Variants in RBM41 observed in about 807,000 individuals in gnomAD.
RBM41 encodes RNA-binding protein 41.
Under a neutral mutation model 30.8 loss-of-function variants are expected in RBM41, and 14 were observed. That is an observed-to-expected ratio of 0.45 (90% CI 0.30 to 0.71). The LOEUF is 0.71. Among genes scored for constraint, RBM41 ranks in the 30% least tolerant of loss-of-function variants. The probability of loss-of-function intolerance (pLI) is 0.08; values close to 1 mark genes in which losing one functional copy is unlikely to be tolerated. For missense variants in RBM41, 276 were observed against 326.3 expected (o/e 0.85, Z 1.19); for synonymous variants, 120 against 110.1 (o/e 1.09, Z -0.56).
chrX:107,115,532 C>T lies in RBM41; in HGVS notation c.343G>A (p.Glu115Lys). The T allele has an allele frequency of 8.3e-7, 1 of 1,209,867 alleles. No individual in the cohort carries two copies. The change falls in exon 4 of 8, where the codon GAA (glutamate) becomes AAA (lysine). Residue 115 changes from glutamate to lysine, a missense_variant. Physicochemically the swap from Glu to Lys is moderately conservative, Grantham distance 56. Transcript: ENST00000685964. ...TCTTGAAGACGGTTCTGTATTGCTT[C>T]AGGAGTTGCCCTCAGTTTTGTCTTC... ...EKKTKLRATPEAIQNRLQDIE... is the reference protein window; with the variant it reads ...EKKTKLRATPKAIQNRLQDIE...
At position 107,113,453 on chromosome X, in the gene RBM41, G is replaced by C. The variant is rs1331255807; in HGVS notation, c.539C>G (p.Thr180Arg). ...TGAGGTCATGTACTTGTCTGCACTT[G>C]TCTTTTTGTGGTATGCTGTGAAGGT... The part of the protein sequence containing the change: ...ALYYQAYHKK[T>R]SADKYMTSMK... The change falls in exon 5 of 8, where the codon ACA (threonine) becomes AGA (arginine). Residue 180 changes from threonine to arginine, a missense_variant. By Grantham distance (71) the Thr-to-Arg change is moderately conservative (BLOSUM62 -1). Transcript: ENST00000685964. 1.0e-6 allele frequency: 1 copy of C among 982,415 alleles called. No individual in the cohort carries two copies. The allele number at this position is 982,415 out of a possible 1,213,427, so 81.0% of individuals were successfully genotyped here.
downstream of RBM41, among the ~76,000 whole-genome samples, chrX:107,057,679 C>CT (rs1248582922): frequency 8.9e-6 from 1 of 111,864 alleles, no homozygotes; most frequent in Admixed American, 9.5e-5. Flanking sequence ...TTTAAGTACT[C>CT]TATTTACTTC....
intron 5 of RBM41, among the ~76,000 whole-genome samples, chrX:107,089,907 T>C (rs1045463961): frequency 3.6e-5 from 4 of 112,024 alleles, no homozygotes; most frequent in African/African-American, 1.3e-4. Context: ...GAGTTGCAAA[T>C]CATGGCTTTC....
chrX:107,055,473 C>A, the RBM41 span, among the ~76,000 whole-genome samples: 2 of 111,232 alleles, frequency 1.8e-5, no homozygotes, highest in Non-Finnish European at 3.8e-5. Flanking sequence ...TACAGGCGCC[C>A]GCCACCACGC....
intron 7 of RBM41, among the ~76,000 whole-genome samples, chrX:107,068,341 G>A (rs1935918803): frequency 9.0e-6 from 1 of 111,266 alleles, no homozygotes; most frequent in African/African-American, 3.3e-5. Flanking sequence ...ATATATATAA[G>A]TACTACAAAT....
At chrX:107,059,156 T>C (rs1421970501), downstream of RBM41, among the ~76,000 whole-genome samples, 1 of 111,614 alleles carries the variant, frequency 9.0e-6, no homozygotes, top group Non-Finnish European at 1.9e-5. Context: ...AACCCCATCC[T>C]GAGGCCTCGC....
Position 107,118,755 on chromosome X carries a change from C to T in RBM41, c.8+11G>A. 8.3e-7 allele frequency: 1 copy of T among 1,211,848 alleles called. No homozygotes were observed. The highest frequency in any genetic ancestry group is 1.1e-6 in the Non-Finnish European group (1 of 895,473). On this transcript the variant is annotated intron_variant, in intron 1 of 7. Coordinates refer to ENST00000685964, the MANE Select transcript of RBM41 (RefSeq NM_001324242.2). Reference sequence around the variant, plus strand: ...CTCCCCTTGCCGCCTGCTCTTCAGACAAGTCCTTACCTCTTCATGTTTCCA... The same window carrying T: ...CTCCCCTTGCCGCCTGCTCTTCAGATAAGTCCTTACCTCTTCATGTTTCCA...
At chrX:107,117,411 G>C (rs1001872346) in intron 1 of RBM41, among the ~76,000 whole-genome samples, 5 of 111,987 alleles carry the variant, frequency 4.5e-5, no homozygotes, top group African/African-American at 1.6e-4. Context: ...AGTAAAAGGT[G>C]ATGAAGGTCT....
At chrX:107,107,203 G>A (rs1924084293) in intron 5 of RBM41, among the ~76,000 whole-genome samples, 1 of 111,125 alleles carries the variant, frequency 9.0e-6, no homozygotes, top group South Asian at 3.8e-4. Flanking sequence ...GATGACTGAA[G>A]TTATTTGGAA....
At chrX:107,084,951 T>C in intron 6 of RBM41, among the ~76,000 whole-genome samples, 1 of 112,242 alleles carries the variant, frequency 8.9e-6, no homozygotes, top group Non-Finnish European at 1.9e-5. Flanking sequence ...TTCATCCAAA[T>C]TGATACCTAT....
At position 107,066,729 on chromosome X, in the gene RBM41, C is replaced by T. The variant is rs894064530; in HGVS notation, c.*798G>A. On this transcript the variant is annotated 3_prime_UTR_variant, in exon 8 of 8. Coordinates refer to ENST00000685964, the MANE Select transcript of RBM41 (RefSeq NM_001324242.2). ...AAACAAACAACTGGGGGATTTGTGA[C>T]TGGCATCCTCTTTTCTAGAGAACGC... The T allele has an allele frequency of 1.5e-5, 11 of 750,817 alleles. No individual in the cohort carries two copies. The South Asian group carries it at 4.1e-4, about 28-fold the overall frequency. 61.9% of individuals were successfully genotyped at this position (750,817 alleles called of 1,213,427 possible). A position where few individuals can be genotyped will look rare whatever the true frequency, so the allele number is the denominator to read the frequency against.
At chrX:107,115,116 G>A (rs1924785957) in intron 4 of RBM41, 1 of 387,800 alleles carries the variant, frequency 2.6e-6, no homozygotes, top group African/African-American at 2.5e-5. Context: ...AGACTTAGAT[G>A]CTCTGTGTTC....
At chrX:107,107,374 T>C (rs1360029634) in intron 5 of RBM41, among the ~76,000 whole-genome samples, 2 of 111,836 alleles carry the variant, frequency 1.8e-5, no homozygotes, top group Middle Eastern at 4.6e-3. Context: ...GATGGCAGTT[T>C]CCTTTGAAAT....
rs1294987120 is a variant in RBM41, at chrX:107,067,304, C to T, written c.*223G>A. The T allele has an allele frequency of 3.3e-6, 3 of 914,953 alleles. No homozygotes were observed. Among genetic ancestry groups the T allele is most frequent in the Non-Finnish European group, 4.1e-6 (3 of 739,031 alleles). The allele number at this position is 914,953 out of a possible 1,213,427, so 75.4% of individuals were successfully genotyped here. ...TCCTGAGAAAATAATACTCTTTGCA[C>T]TTTACCCTTCATACTCAGCATATCA... On this transcript the variant is annotated 3_prime_UTR_variant, in exon 8 of 8. Transcript: ENST00000685964.
At position 107,062,932 on chromosome X, in the gene RBM41, T is replaced by C. The variant is rs1025922247; in HGVS notation, c.*4595A>G. On this transcript the variant is annotated 3_prime_UTR_variant, in exon 8 of 8. Transcript: ENST00000685964. ...ATGAGTATAGGTCATAATATATTCA[T>C]AGATACACTTCACTATTTTAATGGC... is the stretch of plus-strand genomic sequence containing the variant. Among the ~76,000 whole-genome samples, 3 of 112,097 alleles carry C rather than the reference T, an allele frequency of 2.7e-5. No individual in the cohort carries two copies. Among genetic ancestry groups the C allele is most frequent in the African/African-American group, 9.7e-5 (3 of 30,866 alleles).
intron 5 of RBM41, among the ~76,000 whole-genome samples, chrX:107,098,726 C>A (rs972799611): frequency 1.6e-4 from 18 of 111,677 alleles, no homozygotes; most frequent in Non-Finnish European, 5.6e-5. Flanking sequence ...CAGGCCCAGG[C>A]GCGGTGGCTC....
chrX:107,087,026 T>C (rs1922096191), intron 6 of RBM41, among the ~76,000 whole-genome samples: 1 of 111,626 alleles, frequency 9.0e-6, no homozygotes. Context: ...AGTAAAAATA[T>C]AAAAACGTGC....
intron 5 of RBM41, among the ~76,000 whole-genome samples, chrX:107,108,351 G>A (rs1924182607): frequency 9.0e-6 from 1 of 111,568 alleles, no homozygotes; most frequent in South Asian, 3.7e-4. Context: ...GATGAAGTTA[G>A]CACACTTCAC....
At chrX:107,090,797 T>A (rs933948687) in intron 5 of RBM41, among the ~76,000 whole-genome samples, 1 of 111,528 alleles carries the variant, frequency 9.0e-6, no homozygotes, top group African/African-American at 3.3e-5. Flanking sequence ...TTATTTATTT[T>A]TTTTTAAATT....
Sources: allele counts gnomAD v4.1 joint callset (sites outside exome capture counted in the v4.1 genomes callset), GRCh38; gene constraint gnomAD v4.1.1; transcripts MANE v1.5; gene names NCBI Gene and HGNC (gene_info 2026-07-23, HGNC 2026-07-21).